CXCL13: variants seen among roughly 807,000 people sequenced by gnomAD.
CXCL13 encodes the protein C-X-C motif chemokine ligand 13, also known as C-X-C motif chemokine 13.
A neutral mutation model predicts 12.2 loss-of-function variants in CXCL13; 7 were observed. The ratio of observed to expected loss-of-function variants is 0.57; its 90% confidence interval spans 0.33 to 1.07. The LOEUF is 1.07. Ranked by LOEUF, CXCL13 falls within the 50% of genes least tolerant of loss-of-function variation. The pLI is 0.04. For synonymous variants in CXCL13, 47 were observed against 42.4 expected (o/e 1.11, Z -0.42); for missense variants, 113 against 127.4 (o/e 0.89, Z 0.55).
intron 1 of CXCL13, among the ~76,000 whole-genome samples, chr4:77,600,037 G>C (rs1033412968): frequency 1.3e-5 from 2 of 151,980 alleles, no homozygotes; most frequent in Non-Finnish European, 2.9e-5. Flanking sequence ...TGAGCAACTG[G>C]GTGAATGATG....
chr4:77,519,158 G>C (rs1003157357), intron 1 of CXCL13, among the ~76,000 whole-genome samples: 2 of 152,178 alleles, frequency 1.3e-5, no homozygotes, highest in Non-Finnish European at 2.9e-5. Flanking sequence ...TGGAAGTTTT[G>C]TCTCAGAGGA....
At chr4:77,593,731 G>A (rs192474512) in intron 1 of CXCL13, among the ~76,000 whole-genome samples, 1 of 152,296 alleles carries the variant, frequency 6.6e-6, no homozygotes, top group East Asian at 1.9e-4. Context: ...TCTTGATTCT[G>A]GTGAAAATCT....
chr4:77,602,254 C>G (rs565271157), upstream of CXCL13, among the ~76,000 whole-genome samples: 148 of 152,248 alleles, frequency 9.7e-4, no homozygotes, highest in Non-Finnish European at 1.8e-3. Flanking sequence ...TCCTTCTTGT[C>G]ACTGCTCTGC....
chr4:77,589,384 G>C (rs113836784), intron 1 of CXCL13, among the ~76,000 whole-genome samples: 68 of 152,038 alleles, frequency 4.5e-4, no homozygotes, highest in African/African-American at 1.6e-3. Flanking sequence ...CTACTGTCTC[G>C]GTATCACAGT....
chr4:77,532,235 A>T (rs1724945707), intron 1 of CXCL13, among the ~76,000 whole-genome samples: 1 of 152,176 alleles, frequency 6.6e-6, no homozygotes, highest in Non-Finnish European at 1.5e-5. Context: ...CTTTTAGGGC[A>T]GGCCTGGTGG....
chr4:77,595,371 A>C (rs1726725183), intron 1 of CXCL13, among the ~76,000 whole-genome samples: 1 of 152,194 alleles, frequency 6.6e-6, no homozygotes, highest in Admixed American at 6.5e-5. Flanking sequence ...CACACTAAGG[A>C]TGCTAAAATT....
At chr4:77,590,710 A>G (rs1279443786) in intron 1 of CXCL13, among the ~76,000 whole-genome samples, 3 of 152,240 alleles carry the variant, frequency 2.0e-5, no homozygotes, top group East Asian at 3.8e-4. Context: ...TTCTGTGAGC[A>G]GGATTACAAT....
intron 1 of CXCL13, among the ~76,000 whole-genome samples, chr4:77,569,385 G>C (rs1011169310): frequency 2.0e-5 from 3 of 152,124 alleles, no homozygotes; most frequent in African/African-American, 4.8e-5. Context: ...CAGCCCAAAA[G>C]CTTCTTGAGC....
At chr4:77,575,396 A>G (rs547136365) in intron 1 of CXCL13, among the ~76,000 whole-genome samples, 1 of 151,946 alleles carries the variant, frequency 6.6e-6, no homozygotes, top group Non-Finnish European at 1.5e-5. Context: ...TGCTGCACCC[A>G]TCAACTCATC....
At chr4:77,518,166 T>C (rs548832393) in intron 1 of CXCL13, among the ~76,000 whole-genome samples, 3 of 152,224 alleles carry the variant, frequency 2.0e-5, no homozygotes, top group African/African-American at 7.2e-5. Context: ...AGAGATCCGC[T>C]GTTAGTCTGA....
At chr4:77,525,916 G>GTT (rs144567678) in intron 1 of CXCL13, among the ~76,000 whole-genome samples, 8 of 137,182 alleles carry the variant, frequency 5.8e-5, no homozygotes, top group East Asian at 2.0e-4. Flanking sequence ...TAAATTGTGG[G>GTT]TTTGTTTTTT....
chr4:77,541,967 G>A (rs1725215274), intron 1 of CXCL13, among the ~76,000 whole-genome samples: 1 of 151,844 alleles, frequency 6.6e-6, no homozygotes, highest in Non-Finnish European at 1.5e-5. Flanking sequence ...TTTTTTTGTG[G>A]CTATTGTGAA....
At chr4:77,564,240 T>C (rs900912719) in intron 1 of CXCL13, among the ~76,000 whole-genome samples, 3 of 151,232 alleles carry the variant, frequency 2.0e-5, no homozygotes, top group African/African-American at 7.3e-5. Flanking sequence ...AAAGCTGGAG[T>C]TTCTAGAAAC....
At chr4:77,535,517 C>T (rs1222238085) in intron 1 of CXCL13, among the ~76,000 whole-genome samples, 1 of 152,180 alleles carries the variant, frequency 6.6e-6, no homozygotes, top group Non-Finnish European at 1.5e-5. Context: ...GACTATGTTT[C>T]CTCCCCTTGA....
chr4:77,547,663 C>G (rs4407533), intron 1 of CXCL13, among the ~76,000 whole-genome samples: 1,602 of 152,230 alleles, frequency 0.011, 23 homozygotes, highest in African/African-American at 0.036. Context: ...ATACAGCACA[C>G]TGATGGGTCT....
intron 1 of CXCL13, among the ~76,000 whole-genome samples, chr4:77,554,340 G>C (rs1206577103): frequency 6.6e-6 from 1 of 152,052 alleles, no homozygotes; most frequent in African/African-American, 2.4e-5. Context: ...TGATGTTTCA[G>C]GACAAGAAAT....
intron 1 of CXCL13, among the ~76,000 whole-genome samples, chr4:77,515,839 A>G (rs931244017): frequency 1.3e-5 from 2 of 152,178 alleles, no homozygotes; most frequent in African/African-American, 2.4e-5. Context: ...AACTTCCAAC[A>G]CTATGTTGAA....
At chr4:77,528,533 G>C (rs1368801596) in intron 1 of CXCL13, among the ~76,000 whole-genome samples, 1 of 152,198 alleles carries the variant, frequency 6.6e-6, no homozygotes, top group Non-Finnish European at 1.5e-5. Context: ...GGCCACTGAT[G>C]ATGAGCATTT....
chr4:77,529,420 A>G (rs367963669), intron 1 of CXCL13, among the ~76,000 whole-genome samples: 12 of 152,104 alleles, frequency 7.9e-5, no homozygotes, highest in Non-Finnish European at 1.5e-4. Flanking sequence ...AGCATGGAAT[A>G]TTCTTCCATT....
Sources: gnomAD v4.1 joint callset for allele counts (sites outside exome capture counted in the v4.1 genomes callset) on GRCh38, gnomAD v4.1.1 for gene constraint, MANE v1.5 for transcripts, NCBI Gene and HGNC (gene_info 2026-07-23, HGNC 2026-07-21) for gene names.